Variants in CUX2 observed in about 807,000 individuals in gnomAD.
CUX2 encodes homeobox protein cut-like 2.
In CUX2, 40 loss-of-function variants were observed where a neutral mutation model predicts 144.8. The ratio of observed to expected loss-of-function variants is 0.28; its 90% CI spans 0.21 to 0.36. The LOEUF (loss-of-function observed/expected upper bound fraction) is 0.36, where lower values mean the gene tolerates loss of function less well. CUX2 is among the 10% of genes least tolerant of loss of function. CUX2 has a pLI of 1.00. For synonymous variants in CUX2, 827 were observed against 875.6 expected (o/e 0.94, Z 0.98); for missense variants, 1,615 against 1,994.0 (o/e 0.81, Z 3.62).
At chr12:111,271,301 G>A (rs778303262) in intron 4 of CUX2, among the ~76,000 whole-genome samples, 3 of 152,172 alleles carry the variant, frequency 2.0e-5, no homozygotes, top group African/African-American at 7.2e-5. Context: ...GAGGGAAAAC[G>A]ACCAGCTAGA....
rs537665407 is a variant in CUX2 at position 111,098,399 on chromosome 12, CAAA to C, written c.63+64174_63+64176del. Among the ~76,000 whole-genome samples, 302 of 85,136 alleles carry C rather than the reference CAAA, an allele frequency of 3.5e-3. 3 individuals carry two copies. Among genetic ancestry groups the C allele is most frequent in the African/African-American group, 0.012 (280 of 24,332 alleles). 55.9% of individuals were successfully genotyped at this position (85,136 alleles called of 152,430 possible). ...TGAGCGACAGAGCGAGACTTCGTCT[CAAA>C]AAAAAAAAAAAAAAGAACTGAGTGG... On this transcript the variant is annotated intron_variant, in intron 1 of 21. Coordinates refer to ENST00000261726, the MANE Select transcript of CUX2 (RefSeq NM_015267.4).
intron 20 of CUX2, among the ~76,000 whole-genome samples, chr12:111,338,979 T>C (rs1565932005): frequency 6.6e-6 from 1 of 152,128 alleles, no homozygotes; most frequent in African/African-American, 2.4e-5. Flanking sequence ...ACGCCTGTAA[T>C]CTCAGCACTT....
intron 1 of CUX2, among the ~76,000 whole-genome samples, chr12:111,158,647 C>G (rs573144854): frequency 6.6e-6 from 1 of 151,706 alleles, no homozygotes; most frequent in Non-Finnish European, 1.5e-5. Flanking sequence ...AGCCTGGGGA[C>G]CCTGCATGTT....
intron 1 of CUX2, among the ~76,000 whole-genome samples, chr12:111,201,805 A>C (rs1880614870): frequency 6.6e-6 from 1 of 152,166 alleles, no homozygotes; most frequent in Non-Finnish European, 1.5e-5. Context: ...GCAAGAAATG[A>C]GTTAGAGAAA....
intron 1 of CUX2, among the ~76,000 whole-genome samples, chr12:111,152,182 G>A (rs1173556056): frequency 2.0e-5 from 3 of 152,136 alleles, no homozygotes; most frequent in Non-Finnish European, 2.9e-5. Context: ...TACCTCAGGA[G>A]GCTGAGGCAG....
At chr12:111,338,570 G>A in intron 20 of CUX2, 96 bp downstream of exon 20, 10 of 1,211,630 alleles carry the variant, frequency 8.3e-6, no homozygotes, top group Non-Finnish European at 1.2e-5. Context: ...GGGCTCCCAT[G>A]GTCCAGTCTC....
rs76457854 is a variant in CUX2 at position 111,076,881 on chromosome 12, C to T, written c.63+42641C>T. Among the ~76,000 whole-genome samples the T allele has an allele frequency of 1.8e-4, 27 of 152,282 alleles. No homozygotes were observed. The East Asian group carries it at 4.2e-3, about 24-fold the overall frequency. On this transcript the variant is annotated intron_variant, in intron 1 of 21. Coordinates refer to ENST00000261726, the MANE Select transcript of CUX2 (RefSeq NM_015267.4). ...AAAAAATCCTTTATTTACTCTGCTC[C>T]TGTTTTTATAAGATATGACTCTTAA...
At chr12:111,145,384 C>T (rs187725734) in intron 1 of CUX2, among the ~76,000 whole-genome samples, 268 of 152,300 alleles carry the variant, frequency 1.8e-3, no homozygotes, top group Non-Finnish European at 3.0e-3. Context: ...TCCATTGAAA[C>T]AGGGTCTCAC....
At chr12:111,323,321 C>T (rs1381118756) in intron 18 of CUX2, among the ~76,000 whole-genome samples, 1 of 152,176 alleles carries the variant, frequency 6.6e-6, no homozygotes, top group African/African-American at 2.4e-5. Context: ...ATCTCAGGTT[C>T]ACAGAAACGA....
In CUX2 at chr12:111,061,712, G is replaced by C. The variant is rs1056791092; in HGVS notation, c.63+27472G>C. 1.3e-5 allele frequency among the ~76,000 whole-genome samples: 2 copies of C among 152,162 alleles called. No homozygotes were observed. Among genetic ancestry groups the C allele is most frequent in the African/African-American group, 4.8e-5 (2 of 41,420 alleles). The stretch of plus-strand genomic sequence containing the variant: ...GCCCGATGTTCTGTGAAGTGAGTGG[G>C]TCACTCTCCCCTCAGCCTGGCCCTG... On this transcript the variant is annotated intron_variant, in intron 1 of 21. Coordinates refer to ENST00000261726, the MANE Select transcript of CUX2 (RefSeq NM_015267.4). This position sits in a 1 kb window ranked among gnomAD's most constrained non-coding sequence, Gnocchi z 4.2.
chr12:111,284,718 T>A (rs1313259396), intron 4 of CUX2, among the ~76,000 whole-genome samples: 2 of 152,200 alleles, frequency 1.3e-5, no homozygotes, highest in African/African-American at 4.8e-5. Flanking sequence ...AGCCGCACTT[T>A]GAGCTCACCT....
chr12:111,328,468 G>A (rs1017410820), intron 18 of CUX2, among the ~76,000 whole-genome samples: 2 of 152,136 alleles, frequency 1.3e-5, no homozygotes, highest in East Asian at 1.9e-4. Context: ...CCTTCCATCC[G>A]AGGTTTCTCA....
intron 1 of CUX2, among the ~76,000 whole-genome samples, chr12:111,042,250 G>T (rs1869783422): frequency 6.6e-6 from 1 of 152,180 alleles, no homozygotes; most frequent in African/African-American, 2.4e-5. Context: ...CCAGCCGCCG[G>T]TGTGGACTGT....
At chr12:111,230,989 A>C (rs1396347881) in intron 3 of CUX2, among the ~76,000 whole-genome samples, 1 of 152,198 alleles carries the variant, frequency 6.6e-6, no homozygotes, top group Non-Finnish European at 1.5e-5. Context: ...ATAATTAGGA[A>C]GTCATGAGCA....
At chr12:111,195,603 G>A (rs993057931) in intron 1 of CUX2, among the ~76,000 whole-genome samples, 3 of 152,190 alleles carry the variant, frequency 2.0e-5, no homozygotes, top group Non-Finnish European at 4.4e-5. Context: ...GTTCTTCCAC[G>A]CTCTGTCCTT....
intron 18 of CUX2, among the ~76,000 whole-genome samples, chr12:111,327,767 G>A (rs1361507084): frequency 3.3e-5 from 5 of 152,110 alleles, no homozygotes; most frequent in African/African-American, 4.8e-5. Context: ...CCCAGAATAG[G>A]AAGCCAAGGC....
At chr12:111,343,925 G>T (rs1476054026) in intron 21 of CUX2, among the ~76,000 whole-genome samples, 1 of 152,026 alleles carries the variant, frequency 6.6e-6, no homozygotes, top group Non-Finnish European at 1.5e-5. Flanking sequence ...GCCAGGCAGG[G>T]GCTTGTAATT....
At chr12:111,216,275 C>A (rs1881525499) in intron 2 of CUX2, among the ~76,000 whole-genome samples, 1 of 152,208 alleles carries the variant, frequency 6.6e-6, no homozygotes, top group Non-Finnish European at 1.5e-5. Flanking sequence ...TGCTGTGTGA[C>A]CTTGAGCAGG....
rs1012388028 is a variant in CUX2 at position 111,150,341 on chromosome 12, C to T, written c.64-63859C>T. Among the ~76,000 whole-genome samples, 5 of 152,314 alleles carry T rather than the reference C, an allele frequency of 3.3e-5. No individual in the cohort carries two copies. The South Asian group carries it at 1.0e-3, about 32-fold the overall frequency. On this transcript the variant is annotated intron_variant, in intron 1 of 21. Transcript: ENST00000261726. Reference sequence around the variant, plus strand: ...AAAAGGGCCGGGAAAAAGAAAGAATCATGCCTTGAACTTGCCTAGCTTGTC... The same window carrying T: ...AAAAGGGCCGGGAAAAAGAAAGAATTATGCCTTGAACTTGCCTAGCTTGTC...
Sources: allele counts gnomAD v4.1 joint callset (sites outside exome capture counted in the v4.1 genomes callset), GRCh38; gene constraint gnomAD v4.1.1; non-coding constraint Gnocchi (gnomAD v3.1); transcripts MANE v1.5; gene names NCBI Gene and HGNC (gene_info 2026-07-23, HGNC 2026-07-21).